Variants in CFAP57 observed in about 807,000 individuals in gnomAD.
CFAP57 encodes cilia and flagella associated protein 57.
A neutral mutation model predicts 146.8 loss-of-function variants in CFAP57; 116 were observed. The observed-to-expected ratio is 0.79, with a 90% CI of 0.68 to 0.92. The LOEUF (loss-of-function observed/expected upper bound fraction) is 0.92, where lower values mean the gene tolerates loss of function less well. CFAP57 is among the 40% of genes least tolerant of loss of function. The pLI, the probability that CFAP57 is intolerant of heterozygous loss-of-function variation, is 0.00. For synonymous variants in CFAP57, 518 were observed against 552.8 expected, an observed-to-expected ratio of 0.94 and a Z score of 0.88; for missense variants, 1,377 against 1,527.2, an observed-to-expected ratio of 0.90 and a Z score of 1.64.
chr1:43,232,159 C>G, intron 18 of CFAP57: 1 of 689,298 alleles, frequency 1.5e-6, no homozygotes, highest in Non-Finnish European at 2.6e-6. Context: ...GGGAACCCTG[C>G]CTCAGGTGAG....
chr1:43,191,586 C>CAAAAA (rs10672819), intron 6 of CFAP57, among the ~76,000 whole-genome samples: 5 of 65,022 alleles, frequency 7.7e-5, no homozygotes, highest in East Asian at 9.7e-4. Flanking sequence ...GACTCCGTCT[C>CAAAAA]AAAAAAAAAA....
chr1:43,186,537 G>T (rs1643111366), intron 5 of CFAP57, among the ~76,000 whole-genome samples, 170 bp from the exon 6 acceptor site: 1 of 151,268 alleles, frequency 6.6e-6, no homozygotes, highest in African/African-American at 2.4e-5. Context: ...CGTGAACCCG[G>T]GAGGCGGAGC....
chr1:43,215,808 C>T (rs961980363), intron 12 of CFAP57, among the ~76,000 whole-genome samples: 1 of 152,200 alleles, frequency 6.6e-6, no homozygotes, highest in African/African-American at 2.4e-5. Flanking sequence ...TCATTTAAAT[C>T]TCACAACATC....
chr1:43,190,332 G>T (rs566606929), intron 6 of CFAP57, among the ~76,000 whole-genome samples: 2 of 140,426 alleles, frequency 1.4e-5, no homozygotes, highest in African/African-American at 5.3e-5. Flanking sequence ...GGGCAGTGGC[G>T]CAATCTTGGC....
chr1:43,180,223 T>TTATATATATA (rs1289107795), intron 2 of CFAP57, among the ~76,000 whole-genome samples: 6 of 137,392 alleles, frequency 4.4e-5, no homozygotes, highest in African/African-American at 1.1e-4. Context: ...TATATATATT[T>TTATATATATA]TATATATATA....
intron 10 of CFAP57, among the ~76,000 whole-genome samples, chr1:43,207,558 G>C (rs1644410019): frequency 6.6e-6 from 1 of 152,162 alleles, no homozygotes; most frequent in Non-Finnish European, 1.5e-5. Flanking sequence ...ATGTTTGCGT[G>C]ACAAAATAGC....
At chr1:43,222,423 C>G (rs2124561853) in intron 15 of CFAP57, 128 bp downstream of exon 15, 1 of 801,900 alleles carries the variant, frequency 1.2e-6, no homozygotes, top group Non-Finnish European at 1.8e-6. Context: ...GTTTCTACCC[C>G]CAAGGAACTT....
At chr1:43,200,582 G>C (rs1439719673) in intron 9 of CFAP57, among the ~76,000 whole-genome samples, 1 of 152,134 alleles carries the variant, frequency 6.6e-6, no homozygotes, top group African/African-American at 2.4e-5. Context: ...TGTGAGGCAT[G>C]ATTAAGAGGG....
chr1:43,181,693 A>G lies in CFAP57; in HGVS notation c.317A>G (p.Gln106Arg). Residue 106 changes from glutamine (Q) to arginine (R), a missense_variant, in exon 3 of 23, where the codon CAA becomes CGA. By Grantham distance (43) the Gln-to-Arg change is conservative (BLOSUM62 1). Coordinates refer to ENST00000372492, the MANE Select transcript of CFAP57 (RefSeq NM_001378189.1). The part of the protein sequence containing the change: ...KRKVLNNFDF[Q>R]VQKFISMAFS... ...AAAGTTCTTAATAATTTTGACTTCC[A>G]AGTTCAGAAATTTATTAGCATGGCT... The G allele has an allele frequency of 6.2e-7, 1 of 1,614,192 alleles. No individual in the cohort carries two copies. The highest frequency in any genetic ancestry group is 8.5e-7 in the Non-Finnish European group (1 of 1,180,034).
Position 43,222,119 on chromosome 1 carries a change from CA to C in CFAP57, c.2360del (p.Lys787SerfsTer4), listed in dbSNP as rs1557798352. ...ELQDMECCNN[Q>X]KLLLEYEKYQ... ...CTTCTCTCCAGAATGTTGCAACAAC[CA>C]AAAGTTGCTTCTAGAATATGAGAAG... On this transcript the variant is annotated frameshift_variant, in exon 15 of 23. Coordinates refer to ENST00000372492, the MANE Select transcript of CFAP57 (RefSeq NM_001378189.1). LOFTEE classifies it high-confidence loss of function. The C allele has an allele frequency of 1.3e-6, 2 of 1,546,656 alleles. No homozygotes were observed. Among genetic ancestry groups the C allele is most frequent in the Admixed American group, 3.9e-5 (2 of 50,634 alleles).
chr1:43,238,493 C>G lies in CFAP57; in HGVS notation c.3405+3855C>G, dbSNP rs1645786873. ...CAGATTTCCTCTGCAGCTGTGTAGA[C>G]CTGGGTGGGGGTCTGGAGGATTGGA... On this transcript the variant is annotated intron_variant, in intron 21 of 22. Coordinates refer to ENST00000372492, the MANE Select transcript of CFAP57 (RefSeq NM_001378189.1). The surrounding 1 kb of genome is among the most constrained non-coding windows in gnomAD (Gnocchi z 4.3). Among the ~76,000 whole-genome samples, 1 of 141,506 alleles carries G rather than the reference C, an allele frequency of 7.1e-6. No homozygotes were observed. The highest frequency in any genetic ancestry group is 2.6e-5 in the African/African-American group (1 of 38,218). The allele number at this position is 141,506 out of a possible 152,430, so 92.8% of individuals were successfully genotyped here.
At position 43,254,164 on chromosome 1, in the gene CFAP57, G is replaced by A; in HGVS notation, c.3726G>A (p.Glu1242=). ...GVRLPSLSNS[E]VDLEVKTN The stretch of plus-strand genomic sequence containing the variant: ...GGCTTCCTTCCCTCTCCAACTCCGA[G>A]GTAGACTTAGAGGTGAAGACCAACT... Residue 1242 remains glutamate, a synonymous_variant, in exon 23 of 23, where the codon GAG becomes GAA. Transcript: ENST00000372492. 1 of 1,550,352 alleles carries A rather than the reference G, an allele frequency of 6.5e-7. No homozygotes were observed. Among genetic ancestry groups the A allele is most frequent in the South Asian group, 1.2e-5 (1 of 84,030 alleles).
At position 43,234,502 on chromosome 1, in the gene CFAP57, T is replaced by C. The variant is rs1029704184; in HGVS notation, c.3269T>C (p.Ile1090Thr). 1.9e-6 allele frequency: 3 copies of C among 1,549,106 alleles called. No homozygotes were observed. The highest frequency in any genetic ancestry group is 2.6e-6 in the Non-Finnish European group (3 of 1,146,134). The change falls in exon 21 of 23, where the codon ATC becomes ACC. Residue 1090 changes from isoleucine (I) to threonine (T), a missense_variant. Transcript: ENST00000372492. Reference protein sequence around the residue: ...KYVQRADMVEIAGLNTDLQQE... With the variant: ...KYVQRADMVETAGLNTDLQQE... ...TCTCCTGGGCCCCGTCAGGTGGAGA[T>C]CGCAGGGCTGAACACAGACCTGCAG...
intron 11 of CFAP57, among the ~76,000 whole-genome samples, chr1:43,211,974 A>G (rs999490397): frequency 6.6e-6 from 1 of 152,222 alleles, no homozygotes; most frequent in Non-Finnish European, 1.5e-5. Flanking sequence ...TTCTTGACAC[A>G]TACTGCTGAT....
At chr1:43,184,523 G>A (rs986079077) in intron 4 of CFAP57, among the ~76,000 whole-genome samples, 3 of 151,672 alleles carry the variant, frequency 2.0e-5, no homozygotes, top group South Asian at 4.2e-4. Flanking sequence ...TACTATTATC[G>A]TGCCCATTTT....
At chr1:43,231,326 G>C (rs1474711423) in intron 18 of CFAP57, among the ~76,000 whole-genome samples, 1 of 152,132 alleles carries the variant, frequency 6.6e-6, no homozygotes, top group African/African-American at 2.4e-5. Context: ...ATAGACTAGA[G>C]GGGGAGGGTC....
At chr1:43,247,123 T>G (rs1007172275) in intron 22 of CFAP57, among the ~76,000 whole-genome samples, 2 of 152,236 alleles carry the variant, frequency 1.3e-5, no homozygotes, top group Non-Finnish European at 2.9e-5. Context: ...ATGTACTATT[T>G]CTGTTCAGAA....
At chr1:43,198,151 A>T (rs1018132979) in intron 7 of CFAP57, among the ~76,000 whole-genome samples, 1 of 151,840 alleles carries the variant, frequency 6.6e-6, no homozygotes, top group African/African-American at 2.4e-5. Flanking sequence ...CCCTAGGTGG[A>T]CCCCCACCCC....
chr1:43,215,835 T>C (rs933486351), intron 12 of CFAP57, among the ~76,000 whole-genome samples: 1 of 152,254 alleles, frequency 6.6e-6, no homozygotes, highest in African/African-American at 2.4e-5. Context: ...AAGAAGATAC[T>C]GTCATTCTCC....
Sources: gnomAD v4.1 joint callset for allele counts (sites outside exome capture counted in the v4.1 genomes callset) on GRCh38, gnomAD v4.1.1 for gene constraint, Gnocchi (gnomAD v3.1) non-coding constraint, MANE v1.5 for transcripts, NCBI Gene and HGNC (gene_info 2026-07-23, HGNC 2026-07-21) for gene names.